AARSD1: variants seen among roughly 807,000 people sequenced by gnomAD.
AARSD1 encodes alanyl-tRNA editing protein Aarsd1.
AARSD1 carries 44 observed loss-of-function variants against 48.7 expected under a neutral mutation model. The ratio of observed to expected loss-of-function variants is 0.90; its 90% CI spans 0.71 to 1.16. The LOEUF (loss-of-function observed/expected upper bound fraction) is 1.16. AARSD1 is among the 50% of genes most tolerant of loss of function. The pLI, the probability that AARSD1 is intolerant of heterozygous loss-of-function variation, is 0.00. For missense variants in AARSD1, 511 were observed against 523.1 expected (o/e 0.98, Z 0.23); for synonymous variants, 189 against 194.9 (o/e 0.97, Z 0.25).
intron 4 of AARSD1, among the ~76,000 whole-genome samples, 171 bp downstream of exon 4, chr17:42,956,966 CT>C (rs55786826): frequency 2.4e-4 from 28 of 118,554 alleles, no homozygotes; most frequent in Admixed American, 2.8e-4. Context: ...TGCGCCTGGC[CT>C]TTTTTTTTTT....
chr17:42,964,152 TG>T lies in AARSD1; in HGVS notation c.124del (p.Gln42LysfsTer29), dbSNP rs1479889502. On this transcript the variant is annotated frameshift_variant, in exon 2 of 12. Coordinates refer to ENST00000427569, the MANE Select transcript of AARSD1 (RefSeq NM_001261434.2). LOFTEE classifies it high-confidence loss of function. The stretch of plus-strand genomic sequence containing the variant: ...AAGCACTGTGTCTTCCAGCACCACT[TG>T]GAAACCGCTCAGCACTTCTTTCTTG... ...NGKKEVLSGF[Q>X]VVLEDTVLFP... 1.7e-5 allele frequency: 27 copies of T among 1,614,088 alleles called. No homozygotes were observed. Among genetic ancestry groups the T allele is most frequent in the African/African-American group, 2.7e-5 (2 of 74,932 alleles).
chr17:42,953,737 T>G lies in AARSD1; in HGVS notation c.995A>C (p.Glu332Ala). The G allele has an allele frequency of 6.2e-7, 1 of 1,614,158 alleles. No individual in the cohort carries two copies. The highest frequency in any genetic ancestry group is 8.5e-7 in the Non-Finnish European group (1 of 1,180,026). The stretch of plus-strand genomic sequence containing the variant: ...TGCTCCTCTTACCTCTGACCCAATC[T>G]CATTGGCAATGATATTCATGAACTC... Reference protein sequence around the residue: ...DSEFMNIIANEIGSEETLLFL... With the variant: ...DSEFMNIIANAIGSEETLLFL... Residue 332 changes from glutamate to alanine, a missense_variant, in exon 10 of 12, where the codon GAG becomes GCG. Physicochemically the swap from Glu to Ala is moderately radical, Grantham distance 107. Transcript: ENST00000427569.
In AARSD1 at chr17:42,956,208, A is replaced by G. The variant is rs763733058; in HGVS notation, c.659T>C (p.Leu220Pro). 1.9e-6 allele frequency: 3 copies of G among 1,614,076 alleles called. No homozygotes were observed. Among genetic ancestry groups the G allele is most frequent in the African/African-American group, 2.7e-5 (2 of 75,008 alleles). ...CCACAGCCGTTCCTCACTTACCTGA[A>G]GGTCACTGAGATTGCTCACATGGGT... ...CGTHVSNLSD[L>P]QVIKILGTEK... The change falls in exon 6 of 12, where the codon CTT becomes CCT. Residue 220 changes from leucine (L) to proline (P), a missense_variant. Coordinates refer to ENST00000427569, the MANE Select transcript of AARSD1 (RefSeq NM_001261434.2).
At chr17:42,961,470 G>A (rs933828776) in intron 2 of AARSD1, 119 bp from the exon 3 acceptor site, 1 of 1,416,082 alleles carries the variant, frequency 7.1e-7, no homozygotes, top group Non-Finnish European at 9.5e-7. Flanking sequence ...GAGGGAGAAA[G>A]CAATGCCAAG....
intron 3 of AARSD1, among the ~76,000 whole-genome samples, chr17:42,959,254 T>C (rs1011693098): frequency 1.3e-4 from 19 of 150,742 alleles, no homozygotes; most frequent in Non-Finnish European, 2.7e-4. Context: ...AGTCTTGCTC[T>C]GTTGCCCAGG....
rs377173737 is a variant in AARSD1 at position 42,961,265 on chromosome 17, G to T, written c.258C>A (p.Pro86=). 6.2e-7 allele frequency: 1 copy of T among 1,614,030 alleles called. No homozygotes were observed. The highest frequency in any genetic ancestry group is 1.3e-5 in the African/African-American group (1 of 74,920). ...CCAGAACCTGGCTTCCTGGATCCAG[G>T]GGTGTCTGGGTGAAATGATCAGCCT... is the stretch of plus-strand genomic sequence containing the variant. ...GEQADHFTQT[P]LDPGSQVLVR... is the part of the protein sequence containing the mutation. The change falls in exon 3 of 12, where the codon CCC becomes CCA. Residue 86 remains proline, a synonymous_variant. Coordinates refer to ENST00000427569, the MANE Select transcript of AARSD1 (RefSeq NM_001261434.2).
Position 42,957,208 on chromosome 17 carries a change from A to G in AARSD1, c.332-13T>C. ...ATGAGATGCTGCCCTAAGCAAAGAG[A>G]GCCAGAGACAGGAGAAAAGTGAGAA... On this transcript the variant is annotated splice_polypyrimidine_tract_variant and intron_variant, in intron 3 of 11. Transcript: ENST00000427569. The G allele has an allele frequency of 1.9e-6, 3 of 1,613,246 alleles. No homozygotes were observed. The highest frequency in any genetic ancestry group is 2.5e-6 in the Non-Finnish European group (3 of 1,179,542).
rs769276482 is a variant in AARSD1 at position 42,956,505 on chromosome 17, C to T, written c.445G>A (p.Glu149Lys). ...CTCTGCTCAATGGCAGCTACTTGCT[C>T]TGCAGTCATAGAGGGGGTGTCCAGC... is the stretch of plus-strand genomic sequence containing the variant. ...IELDTPSMTA[E>K]QVAAIEQSVN... The change falls in exon 5 of 12, where the codon GAG (glutamate) becomes AAG (lysine). Residue 149 changes from glutamate (E) to lysine (K), a missense_variant. Physicochemically the swap from Glu to Lys is moderately conservative, Grantham distance 56. Transcript: ENST00000427569. 1.1e-5 allele frequency: 17 copies of T among 1,613,932 alleles called. No homozygotes were observed. Among genetic ancestry groups the T allele is most frequent in the Non-Finnish European group, 1.4e-5 (16 of 1,180,028 alleles).
intron 3 of AARSD1, among the ~76,000 whole-genome samples, chr17:42,958,458 C>G (rs931767850): frequency 6.6e-6 from 1 of 151,488 alleles, no homozygotes; most frequent in Non-Finnish European, 1.5e-5. Context: ...CACCACGGCA[C>G]TCCAGCCTGG....
intron 3 of AARSD1, chr17:42,957,534 T>C (rs1278049588): frequency 7.2e-6 from 1 of 139,650 alleles, no homozygotes; most frequent in Non-Finnish European, 1.4e-5. Context: ...CAGGCTGGAG[T>C]GCAGGGGCTC....
Position 42,956,335 on chromosome 17 carries a change from A to C in AARSD1, c.547-15T>G. The C allele has an allele frequency of 6.2e-7, 1 of 1,614,054 alleles. No individual in the cohort carries two copies. Among genetic ancestry groups the C allele is most frequent in the Non-Finnish European group, 8.5e-7 (1 of 1,180,012 alleles). Reference sequence around the variant, plus strand: ...CGGCCACTCACCTGGACTCAAGGAGAGGGGAGGGACTGTCTGAATCTGATG... The same window carrying C: ...CGGCCACTCACCTGGACTCAAGGAGCGGGGAGGGACTGTCTGAATCTGATG... On this transcript the variant is annotated splice_polypyrimidine_tract_variant and intron_variant, in intron 5 of 11. Transcript: ENST00000427569.
At chr17:42,955,436 C>CTTT (rs34063248) in intron 7 of AARSD1, 946 of 283,168 alleles carry the variant, frequency 3.3e-3, no homozygotes, top group East Asian at 4.9e-3. Context: ...AGCACTTGAT[C>CTTT]TTTTTTTTTT....
At position 42,964,215 on chromosome 17, in the gene AARSD1, C is replaced by G; in HGVS notation, c.62G>C (p.Cys21Ser). The G allele has an allele frequency of 2.5e-6, 4 of 1,614,200 alleles. 1 individual carries two copies. The South Asian group carries it at 4.4e-5, about 18-fold the overall frequency. ...AREFTTTVVS[C>S]CPAELQTEGS... ...TTCAGTCTGCAGCTCCGCGGGACAG[C>G]AGGAGACCACGGTGGTGGTGAACTG... The change falls in exon 2 of 12, where the codon TGC becomes TCC. Residue 21 changes from cysteine (C) to serine (S), a missense_variant. Coordinates refer to ENST00000427569, the MANE Select transcript of AARSD1 (RefSeq NM_001261434.2).
At chr17:42,957,420 C>A in intron 3 of AARSD1, 9 of 269,106 alleles carry the variant, frequency 3.3e-5, no homozygotes, top group East Asian at 7.4e-5. Flanking sequence ...CTAGAGAGAT[C>A]AAATAACTTG....
In AARSD1 at chr17:42,964,244, A is replaced by T. The variant is rs755146416; in HGVS notation, c.40-7T>A. On this transcript the variant is annotated splice_polypyrimidine_tract_variant and splice_region_variant and intron_variant, in intron 1 of 11. Coordinates refer to ENST00000427569, the MANE Select transcript of AARSD1 (RefSeq NM_001261434.2). ...AGACCACGGTGGTGGTGAACTGAAC[A>T]GAGAGGAATGAGAGAATAAGCCCCG... 1.2e-6 allele frequency: 2 copies of T among 1,608,474 alleles called. No individual in the cohort carries two copies. The highest frequency in any genetic ancestry group is 8.5e-7 in the Non-Finnish European group (1 of 1,178,988).
intron 9 of AARSD1, among the ~76,000 whole-genome samples, chr17:42,954,587 A>G (rs2049522039): frequency 6.6e-6 from 1 of 151,942 alleles, no homozygotes; most frequent in South Asian, 2.1e-4. Context: ...GGCGCGTACT[A>G]CCATGCCTAG....
Position 42,956,303 on chromosome 17 carries a change from C to A in AARSD1, c.564G>T (p.Leu188Phe), listed in dbSNP as rs746395438. 2 of 1,614,134 alleles carry A rather than the reference C, an allele frequency of 1.2e-6. No homozygotes were observed. The highest frequency in any genetic ancestry group is 1.7e-6 in the Non-Finnish European group (2 of 1,180,026). The change falls in exon 6 of 12, where the codon TTG becomes TTT. Residue 188 changes from leucine (L) to phenylalanine (F), a missense_variant. Coordinates refer to ENST00000427569, the MANE Select transcript of AARSD1 (RefSeq NM_001261434.2). ...PEVEQVSGRG[L>F]PDDHAGPIRV... ...GAATGGGCCCAGCATGATCATCAGG[C>A]AAACCCCGGCCACTCACCTGGACTC...
rs140741554 is a variant in AARSD1 at position 42,955,207 on chromosome 17, T to G, written c.812A>C (p.His271Pro). 4 of 1,614,096 alleles carry G rather than the reference T, an allele frequency of 2.5e-6. No homozygotes were observed. Among genetic ancestry groups the G allele is most frequent in the Non-Finnish European group, 3.4e-6 (4 of 1,180,004 alleles). ...CTGGAGCTTTTTCACTGCTTCCACATGATCCTCTGCTCCACACCTGAAAGA... is the reference window on the plus strand; with the variant it reads ...CTGGAGCTTTTTCACTGCTTCCACAGGATCCTCTGCTCCACACCTGAAAGA... ...TALLKCGAED[H>P]VEAVKKLQNS... Residue 271 changes from histidine (H) to proline (P), a missense_variant, in exon 8 of 12, where the codon CAT becomes CCT. His to Pro is a moderately conservative substitution (Grantham distance 77). Coordinates refer to ENST00000427569, the MANE Select transcript of AARSD1 (RefSeq NM_001261434.2).
intron 4 of AARSD1, among the ~76,000 whole-genome samples, chr17:42,956,913 C>T (rs1263275873): frequency 1.4e-5 from 2 of 147,832 alleles, no homozygotes; most frequent in Admixed American, 6.7e-5. Flanking sequence ...GTGATCCGCC[C>T]GCCTCGGCCT....
Sources: gnomAD v4.1 joint callset for allele counts (sites outside exome capture counted in the v4.1 genomes callset) on GRCh38, gnomAD v4.1.1 for gene constraint, MANE v1.5 for transcripts, NCBI Gene and HGNC (gene_info 2026-07-23, HGNC 2026-07-21) for gene names.